The following EIF4G3 variants were observed in gnomAD, a reference collection of about 807,000 sequenced individuals.
EIF4G3 encodes eukaryotic translation initiation factor 4 gamma 3, also known as eIF-4-gamma 3.
Under a neutral mutation model 186.4 loss-of-function variants are expected in EIF4G3, and 34 were observed. The ratio of observed to expected loss-of-function variants is 0.18; its 90% CI spans 0.14 to 0.24. The LOEUF (loss-of-function observed/expected upper bound fraction) is 0.24, where lower values mean the gene tolerates loss of function less well. Among genes scored for constraint, EIF4G3 ranks in the 10% least tolerant of loss-of-function variants. The pLI is 1.00. For synonymous variants in EIF4G3, 673 were observed against 679.5 expected (o/e 0.99, Z 0.15); for missense variants, 1,536 against 1,948.5 (o/e 0.79, Z 3.99).
chr1:20,984,571 C>T (rs1314500836), intron 7 of EIF4G3, among the ~76,000 whole-genome samples: 1 of 147,078 alleles, frequency 6.8e-6, no homozygotes, highest in Non-Finnish European at 1.5e-5. Context: ...CACACACACA[C>T]ACACACACAC....
rs184105484 is a variant in EIF4G3 at position 21,022,732 on chromosome 1, G to A, written c.-66-19924C>T. Reference sequence around the variant, plus strand: ...TAGGAGGTTAATTAGGTTGGCATGCGTCATCACAATTAAGCTAGGTCTATT... The same window carrying A: ...TAGGAGGTTAATTAGGTTGGCATGCATCATCACAATTAAGCTAGGTCTATT... On this transcript the variant is annotated intron_variant, in intron 4 of 36. Transcript: ENST00000602326. Among the ~76,000 whole-genome samples the A allele has an allele frequency of 7.2e-5, 11 of 152,254 alleles. No homozygotes were observed. In the East Asian group the frequency reaches 2.1e-3, roughly 29 times the overall value.
At chr1:20,829,120 A>G (rs772569881) in intron 31 of EIF4G3, 27 bp downstream of exon 31, 10 of 1,611,486 alleles carry the variant, frequency 6.2e-6, no homozygotes, top group Admixed American at 5.0e-5. Flanking sequence ...TACCTGATAT[A>G]TATCAAGAGA....
At chr1:21,112,808 A>T (rs1015072587) in intron 2 of EIF4G3, among the ~76,000 whole-genome samples, 1 of 152,202 alleles carries the variant, frequency 6.6e-6, no homozygotes, top group Non-Finnish European at 1.5e-5. Flanking sequence ...CTTATGTAGA[A>T]GGGGCATACT....
intron 14 of EIF4G3, 26 bp downstream of exon 14, chr1:20,941,465 A>G (rs1450603638): frequency 4.4e-6 from 7 of 1,605,704 alleles, no homozygotes; most frequent in African/African-American, 1.3e-5. Context: ...TTCAGCAAGC[A>G]CGAGATTAAT....
At chr1:21,088,488 T>G (rs2096070315) in intron 3 of EIF4G3, among the ~76,000 whole-genome samples, 1 of 151,644 alleles carries the variant, frequency 6.6e-6, no homozygotes, top group Non-Finnish European at 1.5e-5. Flanking sequence ...TCAAGGAGAA[T>G]AAAAAGTAAA....
chr1:21,091,090 A>G (rs185865346), intron 2 of EIF4G3, among the ~76,000 whole-genome samples: 145 of 152,338 alleles, frequency 9.5e-4, no homozygotes, highest in African/African-American at 3.3e-3. Context: ...AGGATTTCTC[A>G]AAACATGTAC....
chr1:20,948,933 CAGG>C (rs887590539), intron 13 of EIF4G3, among the ~76,000 whole-genome samples: 1 of 129,194 alleles, frequency 7.7e-6, no homozygotes, highest in Non-Finnish European at 1.5e-5. Flanking sequence ...AGCTTGAGCC[CAGG>C]AGGAGGAGGT....
At chr1:21,005,198 T>C (rs1557454677) in intron 4 of EIF4G3, among the ~76,000 whole-genome samples, 2 of 152,012 alleles carry the variant, frequency 1.3e-5, no homozygotes, top group Admixed American at 6.5e-5. Context: ...TCCACTGAGA[T>C]AGGGAAAGTA....
chr1:20,925,252 A>G (rs2094803890), intron 14 of EIF4G3, among the ~76,000 whole-genome samples: 1 of 152,210 alleles, frequency 6.6e-6, no homozygotes, highest in Non-Finnish European at 1.5e-5. Flanking sequence ...GGGGTTATTC[A>G]TGATTTATAC....
chr1:20,998,803 A>T, intron 6 of EIF4G3: 1 of 414,522 alleles, frequency 2.4e-6, no homozygotes, highest in Non-Finnish European at 4.8e-6. Context: ...GTAAAAGAAA[A>T]TATTTAGAAA....
intron 3 of EIF4G3, among the ~76,000 whole-genome samples, chr1:21,067,150 G>A (rs1366246581): frequency 3.8e-5 from 1 of 26,254 alleles, no homozygotes; most frequent in Non-Finnish European, 8.2e-5. Flanking sequence ...TTTTTTTTTT[G>A]AGACGGAGTT....
chr1:20,964,833 G>T (rs558731262), intron 12 of EIF4G3, among the ~76,000 whole-genome samples: 1 of 152,176 alleles, frequency 6.6e-6, no homozygotes, highest in Non-Finnish European at 1.5e-5. Flanking sequence ...CCAGAGTCCT[G>T]TAAGTAAGTT....
intron 20 of EIF4G3, among the ~76,000 whole-genome samples, chr1:20,871,583 C>A (rs372597052): frequency 3.9e-5 from 6 of 152,134 alleles, no homozygotes; most frequent in Non-Finnish European, 8.8e-5. Context: ...TAAGGGAATT[C>A]TTTTAAATGC....
At chr1:21,085,780 GC>G (rs1203445510) in intron 3 of EIF4G3, among the ~76,000 whole-genome samples, 2 of 151,988 alleles carry the variant, frequency 1.3e-5, no homozygotes, top group Admixed American at 6.6e-5. Context: ...TGCAACCTCT[GC>G]CTCCTGGATT....
chr1:20,991,826 C>G (rs2081194087), intron 7 of EIF4G3, among the ~76,000 whole-genome samples: 1 of 152,032 alleles, frequency 6.6e-6, no homozygotes, highest in Admixed American at 6.6e-5. Flanking sequence ...TAAAAAATAG[C>G]TTGGGAAAAG....
intron 4 of EIF4G3, among the ~76,000 whole-genome samples, chr1:21,046,338 A>G (rs2093887010): frequency 6.6e-6 from 1 of 152,230 alleles, no homozygotes; most frequent in African/African-American, 2.4e-5. Context: ...CAGCTCATGT[A>G]AAAAAGGGAA....
chr1:21,120,549 C>G (rs2096908099), intron 2 of EIF4G3, among the ~76,000 whole-genome samples: 1 of 150,372 alleles, frequency 6.7e-6, no homozygotes, highest in Admixed American at 6.6e-5. Context: ...TCACTTGAAC[C>G]CAGGAGGCAG....
intron 29 of EIF4G3, among the ~76,000 whole-genome samples, chr1:20,848,657 T>C (rs967056990): frequency 6.6e-6 from 1 of 152,188 alleles, no homozygotes; most frequent in African/African-American, 2.4e-5. Context: ...ACCTGGCACA[T>C]TGCTTGTTTC....
chr1:21,151,236 C>CTTTTTTTTTTTTTTTTT (rs71014161), intron 2 of EIF4G3, among the ~76,000 whole-genome samples: 5 of 80,436 alleles, frequency 6.2e-5, no homozygotes, highest in Non-Finnish European at 1.1e-4. Flanking sequence ...GTATTTCTTT[C>CTTTTTTTTTTTTTTTTT]TTTTTTTTTT....
Sources: allele counts gnomAD v4.1 joint callset (sites outside exome capture counted in the v4.1 genomes callset), GRCh38; gene constraint gnomAD v4.1.1; transcripts MANE v1.5; gene names NCBI Gene and HGNC (gene_info 2026-07-23, HGNC 2026-07-21).